The following WDR70 variants were observed in gnomAD, a reference collection of about 807,000 sequenced individuals.
WDR70 encodes the protein WD repeat-containing protein 70.
Under a neutral mutation model 88.6 loss-of-function variants are expected in WDR70, and 53 were observed. The observed-to-expected ratio is 0.60, with a 90% CI of 0.48 to 0.75. WDR70 has a LOEUF of 0.75. Among genes scored for constraint, WDR70 ranks in the 30% least tolerant of loss-of-function variants. WDR70 has a pLI of 0.00. For missense variants in WDR70, 610 were observed against 823.2 expected, an observed-to-expected ratio of 0.74 and a Z score of 3.17; for synonymous variants, 280 against 270.0, an observed-to-expected ratio of 1.04 and a Z score of -0.36.
chr5:37,442,420 C>A (rs953810556), intron 6 of WDR70, among the ~76,000 whole-genome samples: 4 of 151,478 alleles, frequency 2.6e-5, no homozygotes, highest in Admixed American at 2.6e-4. Flanking sequence ...CTCATTGCAA[C>A]CTCCGCCTCC....
At chr5:37,652,339 TA>T (rs752352622) in intron 10 of WDR70, among the ~76,000 whole-genome samples, 4 of 152,236 alleles carry the variant, frequency 2.6e-5, no homozygotes, top group Non-Finnish European at 5.9e-5. Flanking sequence ...TTGGTTACTG[TA>T]GTCTTGTAGT....
chr5:37,579,050 C>T (rs1476389577), intron 9 of WDR70, among the ~76,000 whole-genome samples: 2 of 152,170 alleles, frequency 1.3e-5, no homozygotes, highest in Admixed American at 1.3e-4. Flanking sequence ...AAGAGAAATA[C>T]TGGAATGAAG....
intron 7 of WDR70, among the ~76,000 whole-genome samples, chr5:37,443,936 G>A (rs1341778665): frequency 6.6e-6 from 1 of 151,982 alleles, no homozygotes; most frequent in African/African-American, 2.4e-5. Context: ...ATCACCTGAG[G>A]TCAGGAGTTC....
At chr5:37,484,427 C>T (rs926420364) in intron 8 of WDR70, among the ~76,000 whole-genome samples, 52 of 152,306 alleles carry the variant, frequency 3.4e-4, no homozygotes, top group Admixed American at 5.2e-4. Context: ...TGGCGGCGCG[C>T]GCCTGCAATC....
intron 7 of WDR70, among the ~76,000 whole-genome samples, chr5:37,445,993 G>GTC (rs1738465207): frequency 6.6e-6 from 1 of 152,102 alleles, no homozygotes; most frequent in African/African-American, 2.4e-5. Context: ...AAGAGGAATT[G>GTC]AAATTGTCCC....
intron 10 of WDR70, among the ~76,000 whole-genome samples, chr5:37,632,682 A>T (rs915959022): frequency 3.9e-5 from 6 of 152,246 alleles, no homozygotes; most frequent in African/African-American, 1.4e-4. Context: ...TAAAAGTTTT[A>T]AAAAATTAAA....
At chr5:37,508,182 A>G (rs986628761) in intron 8 of WDR70, among the ~76,000 whole-genome samples, 2 of 152,114 alleles carry the variant, frequency 1.3e-5, no homozygotes, top group African/African-American at 4.8e-5. Flanking sequence ...CATCACCTCC[A>G]ATGTTATAGT....
chr5:37,651,611 TCTCCAGC>T (rs1485153895), intron 10 of WDR70, among the ~76,000 whole-genome samples: 15 of 152,216 alleles, frequency 9.9e-5, no homozygotes, highest in African/African-American at 3.6e-4. Flanking sequence ...CTCCACATCC[TCTCCAGC>T]ATCTGTTGTT....
chr5:37,383,022 AAAAAT>A (rs1455533044), intron 3 of WDR70, among the ~76,000 whole-genome samples: 3 of 152,004 alleles, frequency 2.0e-5, no homozygotes, highest in Non-Finnish European at 2.9e-5. Context: ...TCAAAATAAA[AAAAAT>A]AAAATAAAAT....
intron 10 of WDR70, among the ~76,000 whole-genome samples, chr5:37,672,223 A>G (rs903768749): frequency 2.6e-5 from 4 of 152,176 alleles, no homozygotes; most frequent in African/African-American, 9.7e-5. Flanking sequence ...AAGCCTGGGT[A>G]CTGTCCAAGG....
chr5:37,415,506 G>T (rs1749689842), intron 5 of WDR70, among the ~76,000 whole-genome samples: 1 of 80,778 alleles, frequency 1.2e-5, no homozygotes, highest in African/African-American at 3.8e-5. Flanking sequence ...GGGGTGGGGG[G>T]GGCCTGACCC....
chr5:37,537,403 G>C (rs959733062), intron 9 of WDR70, among the ~76,000 whole-genome samples: 2 of 152,106 alleles, frequency 1.3e-5, no homozygotes, highest in Non-Finnish European at 2.9e-5. Context: ...ATAGTAGTTT[G>C]ATTAAAATGT....
intron 9 of WDR70, among the ~76,000 whole-genome samples, chr5:37,584,515 C>T (rs914390524): frequency 9.9e-5 from 15 of 152,078 alleles, no homozygotes; most frequent in African/African-American, 3.6e-4. Context: ...GAATATTTAT[C>T]TCCTTTTCAA....
chr5:37,525,676 A>G (rs1225326723), intron 9 of WDR70, among the ~76,000 whole-genome samples: 2 of 152,234 alleles, frequency 1.3e-5, no homozygotes, highest in Non-Finnish European at 2.9e-5. Flanking sequence ...CCTTCAAAAA[A>G]TCAGTGAATC....
At chr5:37,635,004 G>C (rs1018104516) in intron 10 of WDR70, among the ~76,000 whole-genome samples, 1 of 151,998 alleles carries the variant, frequency 6.6e-6, no homozygotes, top group Non-Finnish European at 1.5e-5. Context: ...CTAAAAATAG[G>C]CCCCAATTTT....
At chr5:37,654,263 T>C (rs914659149) in intron 10 of WDR70, among the ~76,000 whole-genome samples, 1 of 152,320 alleles carries the variant, frequency 6.6e-6, no homozygotes, top group Non-Finnish European at 1.5e-5. Context: ...TTTGAGTGAT[T>C]TTCTTAATCC....
intron 10 of WDR70, among the ~76,000 whole-genome samples, chr5:37,686,704 G>A (rs889968928): frequency 6.6e-6 from 1 of 151,914 alleles, no homozygotes; most frequent in Non-Finnish European, 1.5e-5. Context: ...TGAATTTCCA[G>A]AGGCTCCATG....
chr5:37,687,764 A>G (rs948514965), intron 10 of WDR70: 2 of 419,470 alleles, frequency 4.8e-6, no homozygotes, highest in African/African-American at 4.0e-5. Context: ...TTAATTTCAG[A>G]AACAGATTAC....
chr5:37,677,861 G>A (rs1746286138), intron 10 of WDR70, among the ~76,000 whole-genome samples: 1 of 152,194 alleles, frequency 6.6e-6, no homozygotes, highest in Non-Finnish European at 1.5e-5. Flanking sequence ...TATTGTGTGG[G>A]AGTCTAAATC....
Sources: gnomAD v4.1 joint callset for allele counts (sites outside exome capture counted in the v4.1 genomes callset) on GRCh38, gnomAD v4.1.1 for gene constraint, MANE v1.5 for transcripts, NCBI Gene and HGNC (gene_info 2026-07-23, HGNC 2026-07-21) for gene names.